The following CADM2 variants were observed in gnomAD, a reference collection of about 807,000 sequenced individuals.
The protein encoded by CADM2 is immunoglobulin superfamily member 4D.
CADM2 carries 12 observed loss-of-function variants against 49.8 expected under a neutral mutation model. That is an observed-to-expected ratio of 0.24 (90% CI 0.15 to 0.39). The LOEUF (loss-of-function observed/expected upper bound fraction) is 0.39. Ranked by LOEUF, CADM2 falls within the 10% of genes least tolerant of loss-of-function variation. The pLI, the probability that CADM2 is intolerant of heterozygous loss-of-function variation, is 1.00. For missense variants in CADM2, 378 were observed against 492.3 expected, an observed-to-expected ratio of 0.77 and a Z score of 2.20; for synonymous variants, 214 against 175.4, an observed-to-expected ratio of 1.22 and a Z score of -1.74.
At chr3:85,086,432 A>G (rs74695531) in intron 1 of CADM2, among the ~76,000 whole-genome samples, 1,894 of 151,776 alleles carry the variant, frequency 0.012, 37 homozygotes, top group African/African-American at 0.044. Context: ...CTAGTGTAGT[A>G]TACTAGATGG....
intron 5 of CADM2, among the ~76,000 whole-genome samples, chr3:85,906,765 ATGTT>A (rs1716860470): frequency 6.6e-6 from 1 of 152,232 alleles, no homozygotes; most frequent in Non-Finnish European, 1.5e-5. Context: ...TATAGCCACT[ATGTT>A]TGGTCTAGAG....
rs188849018 is a variant in CADM2, at chr3:85,303,421, A to G, written c.61+343753A>G. On this transcript the variant is annotated intron_variant, in intron 1 of 9. Transcript: ENST00000383699. The stretch of plus-strand genomic sequence containing the variant: ...CTGCGCAAAGTACAGCAACTGTCTG[A>G]TAGAATTGCATCATGACTTTTACCT... Among the ~76,000 whole-genome samples the G allele has an allele frequency of 2.9e-3, 444 of 152,008 alleles. 3 individuals carry two copies. Among genetic ancestry groups the G allele is most frequent in the African/African-American group, 0.01 (428 of 41,514 alleles).
At chr3:85,909,113 A>G (rs1717212471) in intron 5 of CADM2, among the ~76,000 whole-genome samples, 1 of 152,108 alleles carries the variant, frequency 6.6e-6, no homozygotes, top group Non-Finnish European at 1.5e-5. Context: ...AAAGCAGATG[A>G]CCTCACACCG....
rs111905847 is a variant in CADM2 at position 85,726,297 on chromosome 3, A to T, written c.62-225A>T. The stretch of plus-strand genomic sequence containing the variant: ...GTGACTTGTAGTGTTTGGAATGTGT[A>T]GTACATGGCTCCTGTCTGCTCTTAC... On this transcript the variant is annotated intron_variant, in intron 1 of 9. Coordinates refer to ENST00000383699, the MANE Select transcript of CADM2 (RefSeq NM_001167675.2). Among the ~76,000 whole-genome samples the T allele has an allele frequency of 5.7e-3, 868 of 152,174 alleles. 12 individuals are homozygous for T. The highest frequency in any genetic ancestry group is 0.02 in the African/African-American group (840 of 41,582).
intron 1 of CADM2, among the ~76,000 whole-genome samples, chr3:85,048,643 G>A (rs2035759249): frequency 6.6e-6 from 1 of 152,128 alleles, no homozygotes; most frequent in African/African-American, 2.4e-5. Flanking sequence ...ATATACTTAG[G>A]ATGTGTAATT....
intron 1 of CADM2, among the ~76,000 whole-genome samples, chr3:85,289,958 C>G (rs377636295): frequency 6.6e-6 from 1 of 152,146 alleles, no homozygotes; most frequent in Non-Finnish European, 1.5e-5. Flanking sequence ...TGAATAGGAA[C>G]AGCTCCAGTC....
chr3:85,114,758 A>T (rs1177192661), intron 1 of CADM2, among the ~76,000 whole-genome samples: 1 of 152,140 alleles, frequency 6.6e-6, no homozygotes, highest in Non-Finnish European at 1.5e-5. Context: ...TAGTTTCATG[A>T]TATGTGAAAT....
At chr3:85,981,299 C>A (rs1454483700) in intron 8 of CADM2, among the ~76,000 whole-genome samples, 2 of 151,470 alleles carry the variant, frequency 1.3e-5, no homozygotes, top group Non-Finnish European at 3.0e-5. Flanking sequence ...TAACAACATT[C>A]TTTTACATTG....
At chr3:86,046,151 C>A (rs1349001461) in intron 8 of CADM2, among the ~76,000 whole-genome samples, 1 of 151,996 alleles carries the variant, frequency 6.6e-6, no homozygotes, top group Non-Finnish European at 1.5e-5. Flanking sequence ...AGTTTGATAC[C>A]ATAACGTGCT....
chr3:84,961,963 C>T (rs1427220037), intron 1 of CADM2, among the ~76,000 whole-genome samples: 4 of 151,988 alleles, frequency 2.6e-5, no homozygotes. Flanking sequence ...TTTCTCTACC[C>T]GGAGAGATTC....
At chr3:85,240,545 A>T (rs1193457127) in intron 1 of CADM2, among the ~76,000 whole-genome samples, 1 of 151,518 alleles carries the variant, frequency 6.6e-6, no homozygotes, top group Non-Finnish European at 1.5e-5. Flanking sequence ...TGACAAAATG[A>T]ATGGTTTGAG....
intron 1 of CADM2, among the ~76,000 whole-genome samples, chr3:85,561,539 C>A (rs921601463): frequency 6.6e-5 from 10 of 152,100 alleles, no homozygotes; most frequent in African/African-American, 2.4e-4. Flanking sequence ...GATATAATTT[C>A]TATTTCTTAG....
chr3:85,837,854 G>A (rs4519715), intron 3 of CADM2, among the ~76,000 whole-genome samples: 7,741 of 151,630 alleles, frequency 0.051, 553 homozygotes, highest in African/African-American at 0.16. Context: ...GTAGTATTAG[G>A]AAATTATTTA....
At chr3:85,962,087 C>A (rs1416431079) in intron 8 of CADM2, among the ~76,000 whole-genome samples, 2 of 151,724 alleles carry the variant, frequency 1.3e-5, no homozygotes, top group African/African-American at 2.4e-5. Flanking sequence ...AGGCATGCAC[C>A]ACTATATTTT....
At chr3:85,722,570 A>T (rs2067546158) in intron 1 of CADM2, among the ~76,000 whole-genome samples, 1 of 152,196 alleles carries the variant, frequency 6.6e-6, no homozygotes, top group Non-Finnish European at 1.5e-5. Flanking sequence ...AACTATTTAC[A>T]AAATGTTTCC....
intron 2 of CADM2, among the ~76,000 whole-genome samples, chr3:85,762,550 C>A (rs2069440452): frequency 6.6e-6 from 1 of 151,020 alleles, no homozygotes; most frequent in Non-Finnish European, 1.5e-5. Context: ...GAAACACTTC[C>A]CTACATTGTT....
chr3:85,224,794 G>C (rs2042119313), intron 1 of CADM2, among the ~76,000 whole-genome samples: 1 of 152,116 alleles, frequency 6.6e-6, no homozygotes, highest in Admixed American at 6.6e-5. Flanking sequence ...TGTAAGGAAG[G>C]GATCCAGTTT....
intron 1 of CADM2, among the ~76,000 whole-genome samples, chr3:85,084,722 T>C (rs542840072): frequency 4.6e-5 from 7 of 152,306 alleles, no homozygotes; most frequent in Admixed American, 1.3e-4. Flanking sequence ...ATTAAAATTA[T>C]ATATGTGACT....
At chr3:85,747,558 A>G (rs943190875) in intron 2 of CADM2, among the ~76,000 whole-genome samples, 2 of 152,120 alleles carry the variant, frequency 1.3e-5, no homozygotes, top group African/African-American at 4.8e-5. Context: ...GCAGAGAATC[A>G]ACCCATCTTG....
Sources: gnomAD v4.1 joint callset for allele counts (sites outside exome capture counted in the v4.1 genomes callset) on GRCh38, gnomAD v4.1.1 for gene constraint, MANE v1.5 for transcripts, NCBI Gene and HGNC (gene_info 2026-07-23, HGNC 2026-07-21) for gene names.